CCDC60: variants seen among roughly 807,000 people sequenced by gnomAD.
CCDC60 encodes coiled-coil domain containing 60, also known as coiled-coil domain-containing protein 60.
A neutral mutation model predicts 63.5 loss-of-function variants in CCDC60; 54 were observed. That is an observed-to-expected ratio of 0.85 (90% confidence interval 0.68 to 1.07). The LOEUF is 1.07. Ranked by LOEUF, CCDC60 falls within the 50% of genes least tolerant of loss-of-function variation. The pLI, the probability that CCDC60 is intolerant of heterozygous loss-of-function variation, is 0.00. For missense variants in CCDC60, 651 were observed against 684.3 expected, an observed-to-expected ratio of 0.95 and a Z score of 0.54; for synonymous variants, 206 against 238.8, an observed-to-expected ratio of 0.86 and a Z score of 1.27.
intron 1 of CCDC60, among the ~76,000 whole-genome samples, chr12:119,395,996 G>C (rs1215669880): frequency 6.6e-6 from 1 of 151,886 alleles, no homozygotes; most frequent in African/African-American, 2.4e-5. Context: ...GAAGTGCAGT[G>C]GCTTGATCTC....
chr12:119,428,101 G>GA (rs1164620911), intron 1 of CCDC60, among the ~76,000 whole-genome samples: 6 of 151,744 alleles, frequency 4.0e-5, no homozygotes, highest in East Asian at 1.9e-4. Context: ...TTAATAGGGA[G>GA]AAAGAAAAAC....
intron 1 of CCDC60, among the ~76,000 whole-genome samples, chr12:119,372,738 T>C (rs1955910278): frequency 6.6e-6 from 1 of 152,108 alleles, no homozygotes; most frequent in African/African-American, 2.4e-5. Context: ...TAGAGATGGT[T>C]GCATAACCCA....
chr12:119,501,105 C>T (rs1172867437), intron 6 of CCDC60, among the ~76,000 whole-genome samples: 1 of 152,128 alleles, frequency 6.6e-6, no homozygotes, highest in African/African-American at 2.4e-5. Context: ...TGAACCTGTC[C>T]CCTAACCTAT....
chr12:119,508,719 A>G (rs1396293033), intron 7 of CCDC60, among the ~76,000 whole-genome samples: 1 of 152,218 alleles, frequency 6.6e-6, no homozygotes, highest in East Asian at 1.9e-4. Context: ...GTAAGACTTC[A>G]GAATTATTCC....
chr12:119,471,329 G>T (rs1951052731), intron 2 of CCDC60, among the ~76,000 whole-genome samples: 1 of 152,214 alleles, frequency 6.6e-6, no homozygotes, highest in Non-Finnish European at 1.5e-5. Flanking sequence ...ACAGATGTGA[G>T]CATTTAGGCA....
At chr12:119,405,547 CAG>C (rs1255025425) in intron 1 of CCDC60, among the ~76,000 whole-genome samples, 1 of 152,236 alleles carries the variant, frequency 6.6e-6, no homozygotes, top group East Asian at 1.9e-4. Flanking sequence ...AAAACATTCT[CAG>C]ATTTAAAAAA....
intron 11 of CCDC60, among the ~76,000 whole-genome samples, chr12:119,525,695 A>G (rs1319917949): frequency 6.6e-6 from 1 of 152,186 alleles, no homozygotes; most frequent in African/African-American, 2.4e-5. Flanking sequence ...ACAAATACAC[A>G]CAAAAATACC....
Position 119,472,050 on chromosome 12 carries a change from A to G in CCDC60, c.227A>G (p.Glu76Gly), listed in dbSNP as rs748512570. Reference protein sequence around the residue: ...GRGYFAILREETAKKKKQQQL... With the variant: ...GRGYFAILREGTAKKKKQQQL... ...GGATATTTTGCTATTCTGAGGGAAG[A>G]GACTGCAAAGAAAAAGAAGCAACAA... Residue 76 changes from glutamate (E) to glycine (G), a missense_variant, in exon 3 of 14, where the codon GAG becomes GGG. Physicochemically the swap from Glu to Gly is moderately conservative, Grantham distance 98. Coordinates refer to ENST00000327554, the MANE Select transcript of CCDC60 (RefSeq NM_178499.5). 1 of 1,614,154 alleles carries G rather than the reference A, an allele frequency of 6.2e-7. No individual in the cohort carries two copies. Among genetic ancestry groups the G allele is most frequent in the Non-Finnish European group, 8.5e-7 (1 of 1,180,012 alleles).
chr12:119,433,486 A>G (rs1397355195), intron 2 of CCDC60: 1 of 702,384 alleles, frequency 1.4e-6, no homozygotes, highest in East Asian at 2.7e-5. Flanking sequence ...CCATCTGGCC[A>G]CACTTCTGGA....
intron 5 of CCDC60, among the ~76,000 whole-genome samples, chr12:119,498,879 A>G (rs570264031): frequency 8.5e-5 from 13 of 152,294 alleles, no homozygotes; most frequent in African/African-American, 3.1e-4. Context: ...GTAGAGACCC[A>G]CTTCCCCATA....
At chr12:119,407,646 C>T (rs914561143) in intron 1 of CCDC60, among the ~76,000 whole-genome samples, 2 of 152,208 alleles carry the variant, frequency 1.3e-5, no homozygotes, top group East Asian at 1.9e-4. Flanking sequence ...ACCTTGGAAA[C>T]GACCCAGTAG....
intron 2 of CCDC60, among the ~76,000 whole-genome samples, chr12:119,447,340 G>A (rs1160406761): frequency 6.6e-6 from 1 of 152,178 alleles, no homozygotes; most frequent in Admixed American, 6.5e-5. Context: ...GATGCTTAGT[G>A]AAGGAGCCAT....
chr12:119,399,946 G>A (rs983574522), intron 1 of CCDC60, among the ~76,000 whole-genome samples: 5 of 151,860 alleles, frequency 3.3e-5, no homozygotes, highest in Admixed American at 2.0e-4. Context: ...ATTAAGTATC[G>A]TGCACTCCAT....
At chr12:119,523,968 G>A (rs990172655) in intron 11 of CCDC60, 150 bp downstream of exon 11, 1 of 733,994 alleles carries the variant, frequency 1.4e-6, no homozygotes, top group Non-Finnish European at 2.2e-6. Context: ...GAAAATATGG[G>A]CAGAAACAAA....
At chr12:119,511,002 G>A (rs1333191687) in intron 7 of CCDC60, among the ~76,000 whole-genome samples, 1 of 152,116 alleles carries the variant, frequency 6.6e-6, no homozygotes, top group African/African-American at 2.4e-5. Context: ...AAGAAAGAAG[G>A]GGAAAAGGAA....
intron 2 of CCDC60, among the ~76,000 whole-genome samples, chr12:119,463,559 C>T (rs1053831615): frequency 2.6e-5 from 4 of 152,228 alleles, no homozygotes; most frequent in Non-Finnish European, 5.9e-5. Context: ...AATACATTAA[C>T]ACACGTGCCC....
At chr12:119,492,570 G>A (rs1441799826) in intron 5 of CCDC60, among the ~76,000 whole-genome samples, 1 of 152,206 alleles carries the variant, frequency 6.6e-6, no homozygotes, top group Non-Finnish European at 1.5e-5. Context: ...TTATGCAGCA[G>A]TGTGAATTTC....
rs202078953 is a variant in CCDC60 at position 119,471,963 on chromosome 12, T to C, written c.171-31T>C. On this transcript the variant is annotated intron_variant, in intron 2 of 13. Transcript: ENST00000327554. ...CTCTCCACCCTCCCACCTTCCTCCC[T>C]CTCTCCCTCTTCCTCCCTGCATGTC... The C allele has an allele frequency of 4.3e-4, 694 of 1,597,830 alleles. 1 individual carries two copies. The highest frequency in any genetic ancestry group is 5.6e-4 in the Non-Finnish European group (654 of 1,169,268).
Position 119,523,769 on chromosome 12 carries a change from G to A in CCDC60, c.1180G>A (p.Ala394Thr). 1 of 1,614,202 alleles carries A rather than the reference G, an allele frequency of 6.2e-7. No individual in the cohort carries two copies. The highest frequency in any genetic ancestry group is 8.5e-7 in the Non-Finnish European group (1 of 1,180,020). Residue 394 changes from alanine (A) to threonine (T), a missense_variant, in exon 11 of 14, where the codon GCC (alanine) becomes ACC (threonine). Physicochemically the swap from Ala to Thr is moderately conservative, Grantham distance 58 (BLOSUM62 0). Transcript: ENST00000327554. The stretch of plus-strand genomic sequence containing the variant: ...CATGAGGGCCAAGTTTTACAGCGTA[G>A]CCCAGGAGGCTGGCTTCTGCCTGCA... ...NTMRAKFYSV[A>T]QEAGFCLQDK...
Sources: gnomAD v4.1 joint callset for allele counts (sites outside exome capture counted in the v4.1 genomes callset) on GRCh38, gnomAD v4.1.1 for gene constraint, MANE v1.5 for transcripts, NCBI Gene and HGNC (gene_info 2026-07-23, HGNC 2026-07-21) for gene names.